The following CFAP251 variants were observed in gnomAD, a reference collection of about 807,000 sequenced individuals.
The protein encoded by CFAP251 is cilia- and flagella-associated protein 251.
In CFAP251, 93 loss-of-function variants were observed where a neutral mutation model predicts 126.7. That is an observed-to-expected ratio of 0.73 (90% CI 0.62 to 0.87). The LOEUF is 0.87. Ranked by LOEUF, CFAP251 falls within the 40% of genes least tolerant of loss-of-function variation. CFAP251 has a pLI of 0.00. For missense variants in CFAP251, 1,287 were observed against 1,389.2 expected (o/e 0.93, Z 1.17); for synonymous variants, 503 against 506.9 (o/e 0.99, Z 0.10).
At chr12:121,979,852 C>G (rs1882575717) in intron 19 of CFAP251, among the ~76,000 whole-genome samples, 1 of 152,158 alleles carries the variant, frequency 6.6e-6, no homozygotes, top group Non-Finnish European at 1.5e-5. Context: ...AGGCGTGAGC[C>G]ACCGTGCCCG....
At chr12:121,967,499 G>A (rs1882184210) in intron 16 of CFAP251, among the ~76,000 whole-genome samples, 1 of 152,134 alleles carries the variant, frequency 6.6e-6, no homozygotes, top group Non-Finnish European at 1.5e-5. Flanking sequence ...TCAGGAGATG[G>A]AGACCATCCT....
intron 16 of CFAP251, 32 bp from the exon 17 acceptor site, chr12:121,967,974 G>C (rs779976522): frequency 6.3e-7 from 1 of 1,577,732 alleles, no homozygotes. Context: ...AGCTACCTGA[G>C]TCTGAATATC....
chr12:121,942,873 C>T (rs1881178986), intron 6 of CFAP251, 22 bp from the exon 7 acceptor site: 1 of 1,613,488 alleles, frequency 6.2e-7, no homozygotes, highest in Non-Finnish European at 8.5e-7. Flanking sequence ...TCTCATGCCC[C>T]TCTCTCTACT....
At chr12:121,997,218 A>G (rs529405400) in intron 19 of CFAP251, 1 of 152,358 alleles carries the variant, frequency 6.6e-6, no homozygotes, top group South Asian at 2.1e-4. Context: ...GGAACAGCAC[A>G]TGCGTGAATG....
intron 1 of CFAP251, among the ~76,000 whole-genome samples, chr12:121,920,439 CA>C (rs1175858523): frequency 1.3e-5 from 2 of 150,618 alleles, no homozygotes; most frequent in African/African-American, 4.9e-5. Context: ...CTGTGTTGCC[CA>C]GGCTGGAGTG....
intron 5 of CFAP251, among the ~76,000 whole-genome samples, chr12:121,934,792 A>G (rs554330355): frequency 6.6e-6 from 1 of 152,248 alleles, no homozygotes; most frequent in South Asian, 2.1e-4. Flanking sequence ...TCTAATTCTA[A>G]CAACCCACCA....
rs765030116 is a variant in CFAP251, at chr12:122,003,810, C to T, written c.*46C>T. On this transcript the variant is annotated 3_prime_UTR_variant, in exon 22 of 22. Transcript: ENST00000288912. ...GCACAAAGGACTTTGGGTGTGTGTGCATGCACATGTGTGTGTTTTCCATGA... is the reference window on the plus strand; with the variant it reads ...GCACAAAGGACTTTGGGTGTGTGTGTATGCACATGTGTGTGTTTTCCATGA... 7.0e-7 allele frequency: 1 copy of T among 1,431,798 alleles called. No individual in the cohort carries two copies. Among genetic ancestry groups the T allele is most frequent in the South Asian group, 1.3e-5 (1 of 76,408 alleles). The allele number at this position is 1,431,798 out of a possible 1,614,324, so 88.7% of individuals were successfully genotyped here.
chr12:121,983,248 G>A (rs959036672), intron 19 of CFAP251, among the ~76,000 whole-genome samples: 4 of 151,596 alleles, frequency 2.6e-5, no homozygotes, highest in Admixed American at 1.3e-4. Context: ...AAAAAAATTA[G>A]TTGGGGATAG....
intron 5 of CFAP251, among the ~76,000 whole-genome samples, chr12:121,941,100 G>C (rs945196323): frequency 3.3e-5 from 5 of 151,176 alleles, no homozygotes; most frequent in African/African-American, 1.2e-4. Flanking sequence ...GTGTAATCTT[G>C]GCTCACTGCA....
rs1880537379 is a variant in CFAP251 at position 121,928,667 on chromosome 12, T to TATAC, written c.748-3078_748-3077insTACA. On this transcript the variant is annotated intron_variant, in intron 3 of 21. Coordinates refer to ENST00000288912, the MANE Select transcript of CFAP251 (RefSeq NM_144668.6). ...ATATATATATATATACGTATATATA[T>TATAC]ACGTATATATATATATATATACGTA... 9.2e-4 allele frequency among the ~76,000 whole-genome samples: 34 copies of TATAC among 36,832 alleles called. 1 individual carries two copies. In the South Asian group the frequency reaches 0.023, roughly 25 times the overall value. 24.2% of individuals were successfully genotyped at this position (36,832 alleles called of 152,430 possible).
intron 8 of CFAP251, chr12:121,950,578 G>A (rs978198745): frequency 1.3e-5 from 2 of 152,006 alleles, no homozygotes; most frequent in Non-Finnish European, 2.9e-5. Flanking sequence ...TTATTTTTGA[G>A]ATGGGGTCTC....
intron 12 of CFAP251, 77 bp from the exon 13 acceptor site, chr12:121,958,866 A>T: frequency 6.7e-7 from 1 of 1,502,146 alleles, no homozygotes; most frequent in South Asian, 1.3e-5. Context: ...CCGCACCCAG[A>T]ACAAAGCCTG....
At chr12:121,956,953 G>C (rs1265778229) in intron 10 of CFAP251, 121 bp from the exon 11 acceptor site, 1 of 661,992 alleles carries the variant, frequency 1.5e-6, no homozygotes, top group Non-Finnish European at 2.4e-6. Context: ...TTCTCGTTGG[G>C]AGTATTAAAT....
intron 19 of CFAP251, among the ~76,000 whole-genome samples, chr12:121,983,351 G>GC (rs34472355): frequency 0.32 from 47,898 of 149,298 alleles, 9,945 homozygotes; most frequent in Non-Finnish European, 0.47. Flanking sequence ...CTATGATCAT[G>GC]CCTGTGAATA....
chr12:121,938,142 C>G (rs142531377), intron 5 of CFAP251, among the ~76,000 whole-genome samples: 332 of 151,900 alleles, frequency 2.2e-3, no homozygotes, highest in African/African-American at 7.2e-3. Context: ...GTAGTTGGGA[C>G]CATGGATACA....
chr12:121,922,843 ACAGTGGTG>A (rs1325877278), intron 2 of CFAP251, among the ~76,000 whole-genome samples: 10 of 151,976 alleles, frequency 6.6e-5, no homozygotes, highest in African/African-American at 2.4e-4. Flanking sequence ...AGGCTGGAGT[ACAGTGGTG>A]CAATCTTGGC....
intron 10 of CFAP251, among the ~76,000 whole-genome samples, chr12:121,954,653 A>C (rs1407175649): frequency 1.3e-5 from 2 of 149,350 alleles, no homozygotes; most frequent in African/African-American, 2.4e-5. Flanking sequence ...AAAAAAAAAA[A>C]AAAAAAAAAA....
chr12:121,999,818 C>T lies in CFAP251; in HGVS notation c.3109C>T (p.His1037Tyr), dbSNP rs374391554. The change falls in exon 20 of 22, where the codon CAC becomes TAC. Residue 1037 changes from histidine (H) to tyrosine (Y), a missense_variant. By Grantham distance (83) the His-to-Tyr change is moderately conservative. Transcript: ENST00000288912. Reference protein sequence around the residue: ...LPDFLKVYLNHKPPFGNTMSG... With the variant: ...LPDFLKVYLNYKPPFGNTMSG... ...AGATTTCCTAAAAGTGTACCTTAAC[C>T]ACAAGCCACCTTTTGGTAACACCAT... The T allele has an allele frequency of 3.7e-6, 6 of 1,614,098 alleles. No homozygotes were observed. In the Admixed American group the frequency reaches 5.0e-5, roughly 13 times the overall value.
Position 121,921,461 on chromosome 12 carries a change from G to C in CFAP251, c.156G>C (p.Glu52Asp). The change falls in exon 2 of 22, where the codon GAG (glutamate) becomes GAC (aspartate). Residue 52 changes from glutamate to aspartate, a missense_variant. Physicochemically the swap from Glu to Asp is conservative, Grantham distance 45. Transcript: ENST00000288912. Reference sequence around the variant, plus strand: ...CAATAGCATGGAGAGAGTCTCAGGAGGAGGAGAGGAAAACGGGCGAGGAGG... The same window carrying C: ...CAATAGCATGGAGAGAGTCTCAGGACGAGGAGAGGAAAACGGGCGAGGAGG... ...DDTIAWRESQ[E>D]EERKTGEEEG... 1 of 1,613,832 alleles carries C rather than the reference G, an allele frequency of 6.2e-7. No homozygotes were observed. Among genetic ancestry groups the C allele is most frequent in the Non-Finnish European group, 8.5e-7 (1 of 1,179,848 alleles).
Sources: allele counts gnomAD v4.1 joint callset (sites outside exome capture counted in the v4.1 genomes callset), GRCh38; gene constraint gnomAD v4.1.1; transcripts MANE v1.5; gene names NCBI Gene and HGNC (gene_info 2026-07-23, HGNC 2026-07-21).